Variants in GABRG2 observed in about 807,000 individuals in gnomAD.
GABRG2 encodes gamma-aminobutyric acid type A receptor subunit gamma2, also known as gamma-aminobutyric acid receptor subunit gamma-2.
Under a neutral mutation model 56.4 loss-of-function variants are expected in GABRG2, and 16 were observed. The observed-to-expected ratio is 0.28, with a 90% CI of 0.19 to 0.43. The LOEUF is 0.43. Among genes scored for constraint, GABRG2 ranks in the 20% least tolerant of loss-of-function variants. The pLI is 1.00. For missense variants in GABRG2, 327 were observed against 582.7 expected, an observed-to-expected ratio of 0.56 and a Z score of 4.52; for synonymous variants, 208 against 205.5, an observed-to-expected ratio of 1.01 and a Z score of -0.10.
chr5:162,078,388 TATATATA>T lies in GABRG2; in HGVS notation c.107+10283_107+10289del, dbSNP rs1243202248. ...ATCTTACTATATATATATATATATATATATATATATTTTTTTTTTTTTTTTTTTTTTT... is the reference window on the plus strand; with the variant it reads ...ATCTTACTATATATATATATATATATTATTTTTTTTTTTTTTTTTTTTTTT... On this transcript the variant is annotated intron_variant, in intron 1 of 9. Transcript: ENST00000639213. Among the ~76,000 whole-genome samples, 181 of 53,590 alleles carry T rather than the reference TATATATA, an allele frequency of 3.4e-3. 3 individuals carry two copies. Among genetic ancestry groups the T allele is most frequent in the East Asian group, 0.013 (21 of 1,598 alleles). 35.2% of individuals were successfully genotyped at this position (53,590 alleles called of 152,430 possible).
At chr5:162,116,338 G>A (rs1762625589) in intron 6 of GABRG2, among the ~76,000 whole-genome samples, 1 of 150,282 alleles carries the variant, frequency 6.7e-6, no homozygotes, top group Non-Finnish European at 1.5e-5. Context: ...TCTAGACAAT[G>A]CTATGGTAAC....
At chr5:162,083,181 T>C (rs1009569208) in intron 1 of GABRG2, among the ~76,000 whole-genome samples, 1 of 151,670 alleles carries the variant, frequency 6.6e-6, no homozygotes, top group Non-Finnish European at 1.5e-5. Flanking sequence ...AACATGAAAA[T>C]AAAATTGGAA....
intron 6 of GABRG2, among the ~76,000 whole-genome samples, chr5:162,119,653 A>G (rs1362890339): frequency 1.3e-5 from 2 of 152,242 alleles, no homozygotes; most frequent in East Asian, 1.9e-4. Flanking sequence ...TAATTTTTAT[A>G]TGAATCTCTA....
chr5:162,097,754 A>G lies in GABRG2; in HGVS notation c.444A>G (p.Pro148=). Residue 148 remains proline (P), a synonymous_variant, in exon 4 of 10, where the codon CCA becomes CCG. Coordinates refer to ENST00000639213, the MANE Select transcript of GABRG2 (RefSeq NM_198904.4). ...ACATGGTGGGGAAAATCTGGATTCC[A>G]GACACTTTCTTCAGAAATTCCAAAA... ...NSNMVGKIWI[P]DTFFRNSKKA... The G allele has an allele frequency of 1.2e-6, 2 of 1,613,884 alleles. No individual in the cohort carries two copies. Among genetic ancestry groups the G allele is most frequent in the Non-Finnish European group, 1.7e-6 (2 of 1,179,874 alleles).
At chr5:162,132,266 C>T (rs1273701709) in intron 6 of GABRG2, among the ~76,000 whole-genome samples, 1 of 151,950 alleles carries the variant, frequency 6.6e-6, no homozygotes, top group Admixed American at 6.6e-5. Context: ...GGATACCAAG[C>T]AATTTTTAAG....
chr5:162,095,413 A>C (rs1760924942), intron 2 of GABRG2, 82 bp from the exon 3 acceptor site: 2 of 851,836 alleles, frequency 2.3e-6, no homozygotes, highest in Non-Finnish European at 3.9e-6. Flanking sequence ...TAGCTAAATA[A>C]ATCTATTCTA....
At position 162,154,384 on chromosome 5, in the gene GABRG2, GC is replaced by G. The variant is rs1181071007; in HGVS notation, c.*1018del. On this transcript the variant is annotated 3_prime_UTR_variant, in exon 10 of 10. Transcript: ENST00000639213. The stretch of plus-strand genomic sequence containing the variant: ...TTGGGTCTGTAGCACCTTGCATAGT[GC>G]CTGGCATATAGTTGGTGCTCAATAA... 5 of 152,118 alleles carry G rather than the reference GC, an allele frequency of 3.3e-5. No homozygotes were observed. In the East Asian group the frequency reaches 9.6e-4, roughly 29 times the overall value. 9.4% of individuals were successfully genotyped at this position (152,118 alleles called of 1,614,324 possible).
chr5:162,125,509 G>A (rs1422157312), intron 6 of GABRG2, among the ~76,000 whole-genome samples: 1 of 143,536 alleles, frequency 7.0e-6, no homozygotes, highest in Non-Finnish European at 1.5e-5. Context: ...TGATGCATAA[G>A]GTTTGAGGTC....
intron 1 of GABRG2, among the ~76,000 whole-genome samples, chr5:162,091,109 A>G (rs187783277): frequency 6.7e-4 from 102 of 152,214 alleles, no homozygotes; most frequent in Non-Finnish European, 1.3e-3. Context: ...GAAAAAGTTC[A>G]TTTATTTATA....
At chr5:162,068,203 C>A in intron 1 of GABRG2, 97 bp downstream of exon 1, 3 of 801,888 alleles carry the variant, frequency 3.7e-6, no homozygotes, top group Admixed American at 3.9e-5. Context: ...TTAAAACACT[C>A]TCCTAGGATG....
At chr5:162,082,103 ATG>A (rs1759710916) in intron 1 of GABRG2, among the ~76,000 whole-genome samples, 1 of 151,822 alleles carries the variant, frequency 6.6e-6, no homozygotes, top group Non-Finnish European at 1.5e-5. Context: ...TTCAGTGCTT[ATG>A]TGTTCTGCCT....
intron 9 of GABRG2, chr5:162,152,427 C>T (rs1278851891): frequency 1.3e-5 from 6 of 478,470 alleles, no homozygotes; most frequent in African/African-American, 1.0e-4. Context: ...ACCAACTGGT[C>T]TAGCAGGAAA....
chr5:162,115,302 T>A (rs1247815432), intron 6 of GABRG2, among the ~76,000 whole-genome samples: 2 of 152,182 alleles, frequency 1.3e-5, no homozygotes, highest in African/African-American at 4.8e-5. Flanking sequence ...CTGTGTCATA[T>A]TTCCTGGTAT....
intron 6 of GABRG2, among the ~76,000 whole-genome samples, chr5:162,124,558 TTTTGTTTG>T (rs540576007): frequency 3.3e-5 from 5 of 151,510 alleles, no homozygotes; most frequent in Non-Finnish European, 7.4e-5. Context: ...TGTTTTTTGA[TTTTGTTTG>T]TTTGTTTGTT....
intron 1 of GABRG2, among the ~76,000 whole-genome samples, chr5:162,070,741 A>C (rs573582279): frequency 2.0e-5 from 3 of 152,144 alleles, no homozygotes; most frequent in Non-Finnish European, 2.9e-5. Flanking sequence ...AAACATTCAC[A>C]TAGCTTGTGC....
chr5:162,082,014 G>T (rs1198933922), intron 1 of GABRG2, among the ~76,000 whole-genome samples: 1 of 151,830 alleles, frequency 6.6e-6, no homozygotes, highest in African/African-American at 2.4e-5. Context: ...CGTAAAAAAT[G>T]ATCACATTCA....
chr5:162,141,492 A>G (rs542957661), intron 6 of GABRG2, among the ~76,000 whole-genome samples: 5 of 152,192 alleles, frequency 3.3e-5, no homozygotes, highest in African/African-American at 4.8e-5. Flanking sequence ...GCTAACTACT[A>G]GTTTGCAATG....
At chr5:162,073,269 T>A (rs1021565881) in intron 1 of GABRG2, among the ~76,000 whole-genome samples, 1 of 140,678 alleles carries the variant, frequency 7.1e-6, no homozygotes, top group Non-Finnish European at 1.5e-5. Context: ...GAAATTAGGT[T>A]TTTTTTTTAA....
intron 1 of GABRG2, among the ~76,000 whole-genome samples, chr5:162,090,675 A>G (rs1760502567): frequency 6.6e-6 from 1 of 152,178 alleles, no homozygotes; most frequent in Non-Finnish European, 1.5e-5. Context: ...ATTGAAGGAT[A>G]AGTTTAATTT....
Sources: allele counts gnomAD v4.1 joint callset (sites outside exome capture counted in the v4.1 genomes callset), GRCh38; gene constraint gnomAD v4.1.1; transcripts MANE v1.5; gene names NCBI Gene and HGNC (gene_info 2026-07-23, HGNC 2026-07-21).